NTM: variants seen among roughly 807,000 people sequenced by gnomAD.
The protein encoded by NTM is neurotrimin, also known as IgLON family member 2.
In NTM, 13 loss-of-function variants were observed where a neutral mutation model predicts 42.1. That is an observed-to-expected ratio of 0.31 (90% confidence interval 0.20 to 0.49). The LOEUF is 0.49. NTM is among the 20% of genes least tolerant of loss of function. The probability of loss-of-function intolerance (pLI) is 0.99; values close to 1 mark genes in which losing one functional copy is unlikely to be tolerated. For missense variants in NTM, 373 were observed against 452.8 expected, an observed-to-expected ratio of 0.82 and a Z score of 1.60; for synonymous variants, 187 against 179.2, an observed-to-expected ratio of 1.04 and a Z score of -0.35.
intron 4 of NTM, among the ~76,000 whole-genome samples, chr11:132,249,823 C>T (rs540582845): frequency 6.6e-6 from 1 of 152,310 alleles, no homozygotes; most frequent in South Asian, 2.1e-4. Flanking sequence ...TTTACCTTCC[C>T]CCCGATAATC....
At chr11:131,885,701 GC>G (rs1218147953) in intron 1 of NTM, among the ~76,000 whole-genome samples, 1 of 152,204 alleles carries the variant, frequency 6.6e-6, no homozygotes, top group Non-Finnish European at 1.5e-5. Context: ...CAACAAAGGA[GC>G]TTTTTGTACT....
Position 131,519,947 on chromosome 11 carries a change from C to A in NTM, c.82+149059C>A, listed in dbSNP as rs551323765. 7.5e-5 allele frequency among the ~76,000 whole-genome samples: 10 copies of A among 133,740 alleles called. No homozygotes were observed. The South Asian group carries it at 2.2e-3, about 29-fold the overall frequency. The allele number at this position is 133,740 out of a possible 152,430, so 87.7% of individuals were successfully genotyped here. The stretch of plus-strand genomic sequence containing the variant: ...ATCTTTAGTTTTATTTCTTGGTTAG[C>A]ACCTAAGAGGTGAACCTGCTTGTTA... On this transcript the variant is annotated intron_variant, in intron 1 of 8. Coordinates refer to ENST00000683400, the MANE Select transcript of NTM (RefSeq NM_001352005.2).
At chr11:131,754,636 A>AT (rs2083079131) in intron 1 of NTM, among the ~76,000 whole-genome samples, 1 of 151,760 alleles carries the variant, frequency 6.6e-6, no homozygotes, top group Non-Finnish European at 1.5e-5. Context: ...AAAAAAAAAA[A>AT]AATGCTAAAC....
chr11:132,135,524 G>A (rs918739520), intron 2 of NTM, among the ~76,000 whole-genome samples: 3 of 152,230 alleles, frequency 2.0e-5, no homozygotes, highest in Non-Finnish European at 4.4e-5. Flanking sequence ...AGGCAGGACA[G>A]GGCAAGAAGC....
At chr11:132,234,832 AACTTTGTTACTTTTG>A (rs2088452667) in intron 4 of NTM, among the ~76,000 whole-genome samples, 1 of 152,318 alleles carries the variant, frequency 6.6e-6, no homozygotes, top group African/African-American at 2.4e-5. Context: ...TCTTCTACAT[AACTTTGTTACTTTTG>A]AAAATGTGTA....
At chr11:131,868,507 T>C (rs1243560773) in intron 1 of NTM, among the ~76,000 whole-genome samples, 1 of 152,182 alleles carries the variant, frequency 6.6e-6, no homozygotes, top group East Asian at 1.9e-4. Flanking sequence ...GGGCCGCCAC[T>C]GCCAGCAGCT....
chr11:131,904,029 G>A (rs2053532024), intron 1 of NTM, among the ~76,000 whole-genome samples: 1 of 152,140 alleles, frequency 6.6e-6, no homozygotes, highest in South Asian at 2.1e-4. Context: ...GGGCTGAGTT[G>A]AAACTAGAAC....
chr11:131,863,712 C>G (rs2046868218), intron 1 of NTM, among the ~76,000 whole-genome samples: 2 of 152,172 alleles, frequency 1.3e-5, no homozygotes, highest in Non-Finnish European at 2.9e-5. Context: ...TGAGCACAGA[C>G]TCAGGTCCCT....
At position 131,517,696 on chromosome 11, in the gene NTM, G is replaced by A. The variant is rs80229893; in HGVS notation, c.82+146808G>A. Among the ~76,000 whole-genome samples, 579 of 152,194 alleles carry A rather than the reference G, an allele frequency of 3.8e-3. 3 individuals carry two copies. The highest frequency in any genetic ancestry group is 0.013 in the African/African-American group (545 of 41,516). On this transcript the variant is annotated intron_variant, in intron 1 of 8. Coordinates refer to ENST00000683400, the MANE Select transcript of NTM (RefSeq NM_001352005.2). ...CTCAGGCAGAATAGCCTTCTAGTCC[G>A]CAGCATGGTCTTTGAAGAGACTTTA...
chr11:132,169,664 TG>T (rs2075855001), intron 3 of NTM, among the ~76,000 whole-genome samples: 1 of 152,058 alleles, frequency 6.6e-6, no homozygotes, highest in South Asian at 2.1e-4. Flanking sequence ...CTTCTTAGAC[TG>T]GCAGTATCAT....
At chr11:131,513,926 C>T (rs1047027057) in intron 1 of NTM, among the ~76,000 whole-genome samples, 1 of 152,080 alleles carries the variant, frequency 6.6e-6, no homozygotes, top group African/African-American at 2.4e-5. Flanking sequence ...ATGTCCCTTC[C>T]CAGCAGACCC....
intron 2 of NTM, among the ~76,000 whole-genome samples, chr11:132,033,969 G>T (rs1325501215): frequency 1.3e-5 from 2 of 152,140 alleles, no homozygotes; most frequent in African/African-American, 2.4e-5. Context: ...GTTTTAGAAA[G>T]ACCTTAAAGA....
chr11:132,330,929 C>T (rs889946758), intron 8 of NTM, among the ~76,000 whole-genome samples: 4 of 152,184 alleles, frequency 2.6e-5, no homozygotes, highest in African/African-American at 4.8e-5. Flanking sequence ...TTTGAGAGGG[C>T]CTTGATCCCA....
At chr11:131,483,075 A>G (rs10791148) in intron 1 of NTM, among the ~76,000 whole-genome samples, 73,571 of 152,030 alleles carry the variant, frequency 0.48, 18,594 homozygotes, top group East Asian at 0.66. Context: ...TTGTTGAAGC[A>G]TTTTCCTTTG....
rs1555107681 is a variant in NTM, at chr11:132,335,743, T to TTA, written c.*597_*598insTA. ...ATACCGTTAAACTTTTTTTTTTTTTTATCATTTTACTACATGAACATCATG... is the reference window on the plus strand; with the variant it reads ...ATACCGTTAAACTTTTTTTTTTTTTTTAATCATTTTACTACATGAACATCATG... On this transcript the variant is annotated 3_prime_UTR_variant, in exon 9 of 9. Coordinates refer to ENST00000683400, the MANE Select transcript of NTM (RefSeq NM_001352005.2). The TTA allele has an allele frequency of 6.6e-6, 1 of 152,266 alleles. No individual in the cohort carries two copies. Among genetic ancestry groups the TTA allele is most frequent in the Admixed American group, 6.6e-5 (1 of 15,240 alleles). The allele number at this position is 152,266 out of a possible 1,614,324, so 9.4% of individuals were successfully genotyped here.
At chr11:131,943,375 G>A (rs1210844505) in intron 2 of NTM, among the ~76,000 whole-genome samples, 1 of 152,232 alleles carries the variant, frequency 6.6e-6, no homozygotes, top group Non-Finnish European at 1.5e-5. Context: ...TCCCAGAGCC[G>A]GCTCTGCTGC....
intron 1 of NTM, chr11:131,771,006 TA>T (rs2085996391): frequency 6.6e-6 from 1 of 152,162 alleles, no homozygotes; most frequent in South Asian, 2.1e-4. Flanking sequence ...ACATTTACCG[TA>T]GCACTGGTGA....
intron 2 of NTM, among the ~76,000 whole-genome samples, chr11:132,069,184 C>T (rs1447558209): frequency 6.6e-6 from 1 of 151,806 alleles, no homozygotes; most frequent in Non-Finnish European, 1.5e-5. Context: ...CGTCACACAG[C>T]CAAGTTAACA....
intron 2 of NTM, among the ~76,000 whole-genome samples, chr11:132,100,668 T>C (rs1186454139): frequency 6.6e-6 from 1 of 152,228 alleles, no homozygotes; most frequent in Admixed American, 6.5e-5. Context: ...TTATCAGCTG[T>C]TGCTGTCTTC....
Sources: gnomAD v4.1 joint callset for allele counts (sites outside exome capture counted in the v4.1 genomes callset) on GRCh38, gnomAD v4.1.1 for gene constraint, MANE v1.5 for transcripts, NCBI Gene and HGNC (gene_info 2026-07-23, HGNC 2026-07-21) for gene names.